Variants in RAB11FIP4 observed in about 807,000 individuals in gnomAD.
RAB11FIP4 encodes rab11 family-interacting protein 4.
In RAB11FIP4, 23 loss-of-function variants were observed where a neutral mutation model predicts 74.3. The ratio of observed to expected loss-of-function variants is 0.31; its 90% CI spans 0.22 to 0.44. The LOEUF (loss-of-function observed/expected upper bound fraction) is 0.44. RAB11FIP4 is among the 20% of genes least tolerant of loss of function. The pLI is 1.00. For missense variants in RAB11FIP4, 630 were observed against 863.9 expected (o/e 0.73, Z 3.39); for synonymous variants, 360 against 359.9 (o/e 1.00, Z 0.00).
chr17:31,482,885 C>A (rs1347346041), intron 3 of RAB11FIP4, among the ~76,000 whole-genome samples: 1 of 152,062 alleles, frequency 6.6e-6, no homozygotes, highest in Non-Finnish European at 1.5e-5. Context: ...ACACATAGAG[C>A]CCCAGCTGGG....
Position 31,399,588 on chromosome 17 carries a change from C to T in RAB11FIP4, c.159+7577C>T, listed in dbSNP as rs1415910610. Among the ~76,000 whole-genome samples, 16 of 151,758 alleles carry T rather than the reference C, an allele frequency of 1.1e-4. No individual in the cohort carries two copies. In the East Asian group the frequency reaches 2.9e-3, roughly 28 times the overall value. On this transcript the variant is annotated intron_variant, in intron 1 of 14. Transcript: ENST00000621161. ...ATTAGCCGGGCGTGGTGGCATGCGC[C>T]TGTAGTCCCAGCTACTTGGGAGGCT...
intron 3 of RAB11FIP4, among the ~76,000 whole-genome samples, chr17:31,441,495 A>G (rs2071406744): frequency 6.6e-6 from 1 of 151,876 alleles, no homozygotes; most frequent in African/African-American, 2.4e-5. Flanking sequence ...TCTTGTCATG[A>G]TAACCCTATT....
At chr17:31,500,815 G>A (rs1232325966) in intron 3 of RAB11FIP4, among the ~76,000 whole-genome samples, 2 of 152,158 alleles carry the variant, frequency 1.3e-5, no homozygotes, top group Non-Finnish European at 2.9e-5. Flanking sequence ...ACGAGGTCAA[G>A]AGATCGAGAC....
chr17:31,442,208 C>T (rs1232987458), intron 3 of RAB11FIP4, among the ~76,000 whole-genome samples: 1 of 152,034 alleles, frequency 6.6e-6, no homozygotes, highest in Non-Finnish European at 1.5e-5. Context: ...ACTCTGTTAG[C>T]CAGGATGGTC....
intron 1 of RAB11FIP4, among the ~76,000 whole-genome samples, chr17:31,428,209 C>T (rs768435981): frequency 3.3e-5 from 5 of 152,196 alleles, no homozygotes; most frequent in Admixed American, 6.5e-5. Context: ...CTGGGCACAG[C>T]CCCCATGGTG....
intron 1 of RAB11FIP4, among the ~76,000 whole-genome samples, chr17:31,417,631 G>A (rs1337793638): frequency 1.3e-5 from 2 of 152,238 alleles, no homozygotes; most frequent in African/African-American, 4.8e-5. Flanking sequence ...TGGGGGCCAG[G>A]AAGGAATGCA....
chr17:31,420,047 T>G (rs2071184660), intron 1 of RAB11FIP4, among the ~76,000 whole-genome samples: 1 of 152,202 alleles, frequency 6.6e-6, no homozygotes, highest in Admixed American at 6.5e-5. Context: ...AATTGGGAAA[T>G]TAATTTCTTT....
chr17:31,399,961 TA>T (rs1199435136), intron 1 of RAB11FIP4, among the ~76,000 whole-genome samples: 1 of 150,084 alleles, frequency 6.7e-6, no homozygotes, highest in East Asian at 2.0e-4. Flanking sequence ...GAGAATCGCT[TA>T]AACCCAGGAG....
intron 3 of RAB11FIP4, among the ~76,000 whole-genome samples, chr17:31,498,614 A>G (rs1208492105): frequency 6.6e-6 from 1 of 152,108 alleles, no homozygotes; most frequent in Non-Finnish European, 1.5e-5. Context: ...CTGGCTGTTC[A>G]AGGCCTGAGG....
chr17:31,457,277 C>T (rs1473074723), intron 3 of RAB11FIP4, among the ~76,000 whole-genome samples: 2 of 152,096 alleles, frequency 1.3e-5, no homozygotes, highest in South Asian at 2.1e-4. Flanking sequence ...TGCGCTGGGC[C>T]TGACCAAGTT....
intron 3 of RAB11FIP4, among the ~76,000 whole-genome samples, chr17:31,500,977 C>T (rs577372237): frequency 6.6e-6 from 1 of 151,014 alleles, no homozygotes; most frequent in South Asian, 2.1e-4. Flanking sequence ...GAGCCGAGAT[C>T]GTGCCACTGC....
At chr17:31,421,555 CT>C (rs35537135) in intron 1 of RAB11FIP4, among the ~76,000 whole-genome samples, 77,290 of 102,286 alleles carry the variant, frequency 0.76, 27,802 homozygotes, top group Admixed American at 0.83. Context: ...AGTCACAGGA[CT>C]TTTTTTTTTT....
Position 31,507,871 on chromosome 17 carries a change from C to T in RAB11FIP4, c.337-9780C>T, listed in dbSNP as rs139595650. Among the ~76,000 whole-genome samples the T allele has an allele frequency of 2.7e-3, 407 of 152,130 alleles. 2 individuals carry two copies. The highest frequency in any genetic ancestry group is 0.01 in the Middle Eastern group (3 of 294). The stretch of plus-strand genomic sequence containing the variant: ...TTTATTTTTAGACAGGGTCTCACTC[C>T]CGTTGCCCAGGCTGGAGTGCAGTGG... On this transcript the variant is annotated intron_variant, in intron 3 of 14. Transcript: ENST00000621161.
chr17:31,479,618 A>G (rs1248528923), intron 3 of RAB11FIP4, among the ~76,000 whole-genome samples: 1 of 152,210 alleles, frequency 6.6e-6, no homozygotes, highest in African/African-American at 2.4e-5. Flanking sequence ...AGGCATAGAC[A>G]TCATGAAGCC....
At chr17:31,471,314 C>T (rs2071734803) in intron 3 of RAB11FIP4, among the ~76,000 whole-genome samples, 1 of 151,842 alleles carries the variant, frequency 6.6e-6, no homozygotes, top group South Asian at 2.1e-4. Flanking sequence ...ATCCTCCTGC[C>T]TCAGCCTTCT....
chr17:31,537,284 G>A lies in RAB11FIP4; in HGVS notation c.*5552G>A. 1 of 398,668 alleles carries A rather than the reference G, an allele frequency of 2.5e-6. No homozygotes were observed. Among genetic ancestry groups the A allele is most frequent in the Non-Finnish European group, 4.4e-6 (1 of 226,082 alleles). 24.7% of individuals were successfully genotyped at this position (398,668 alleles called of 1,614,324 possible). ...CCCCCAGGTGAGGCCAGCTCTCCCG[G>A]GCACATTCGTCCACAAGGATCAGGC... is the stretch of plus-strand genomic sequence containing the variant. On this transcript the variant is annotated 3_prime_UTR_variant, in exon 15 of 15. Transcript: ENST00000621161.
At chr17:31,400,888 C>T (rs2070978825) in intron 1 of RAB11FIP4, among the ~76,000 whole-genome samples, 1 of 152,176 alleles carries the variant, frequency 6.6e-6, no homozygotes, top group Non-Finnish European at 1.5e-5. Context: ...TCTCCCTTTC[C>T]TTCTACCCTG....
chr17:31,414,950 C>T (rs943138017), intron 1 of RAB11FIP4, among the ~76,000 whole-genome samples: 1 of 152,232 alleles, frequency 6.6e-6, no homozygotes, highest in Non-Finnish European at 1.5e-5. Flanking sequence ...TCAGAGGCAC[C>T]AGCTAGGACC....
At chr17:31,468,405 C>G (rs1314039381) in intron 3 of RAB11FIP4, among the ~76,000 whole-genome samples, 8 of 152,132 alleles carry the variant, frequency 5.3e-5, no homozygotes, top group Admixed American at 6.6e-5. Flanking sequence ...TCTGAATGTC[C>G]TTGCGCAGGT....
Sources: allele counts gnomAD v4.1 joint callset (sites outside exome capture counted in the v4.1 genomes callset), GRCh38; gene constraint gnomAD v4.1.1; transcripts MANE v1.5; gene names NCBI Gene and HGNC (gene_info 2026-07-23, HGNC 2026-07-21).